The following MACF1 variants were observed in gnomAD, a reference collection of about 807,000 sequenced individuals.
The protein encoded by MACF1 is microtubule actin crosslinking factor 1.
Under a neutral mutation model 854.8 loss-of-function variants are expected in MACF1, and 193 were observed. The observed-to-expected ratio is 0.23, with a 90% CI of 0.20 to 0.25. MACF1 has a LOEUF of 0.25. Ranked by LOEUF, MACF1 falls within the 10% of genes least tolerant of loss-of-function variation. The pLI, the probability that MACF1 is intolerant of heterozygous loss-of-function variation, is 1.00. For synonymous variants in MACF1, 3,185 were observed against 3,226.7 expected (o/e 0.99, Z 0.44); for missense variants, 7,722 against 8,929.1 (o/e 0.86, Z 5.45).
intron 2 of MACF1, among the ~76,000 whole-genome samples, chr1:39,243,657 C>A (rs1471292194): frequency 1.3e-5 from 2 of 152,184 alleles, no homozygotes; most frequent in Non-Finnish European, 2.9e-5. Context: ...CCTGTCTTGG[C>A]CTCCCAAAGT....
At chr1:39,338,061 G>T (rs1007854696) in intron 38 of MACF1, among the ~76,000 whole-genome samples, 1 of 152,076 alleles carries the variant, frequency 6.6e-6, no homozygotes, top group Non-Finnish European at 1.5e-5. Context: ...GAGCCACCAC[G>T]CCCGGCCCTA....
At chr1:39,450,197 A>G (rs1570124494) in intron 84 of MACF1, among the ~76,000 whole-genome samples, 1 of 151,854 alleles carries the variant, frequency 6.6e-6, no homozygotes, top group African/African-American at 2.4e-5. Context: ...AGGTCTTGCT[A>G]TTGTCCAGGC....
At position 39,333,743 on chromosome 1, in the gene MACF1, G is replaced by A; in HGVS notation, c.7155G>A (p.Lys2385=). ...GTACCCAGACACTGTGCTCTGTAAA[G>A]GATGCAGTTACAGTTGGACTTCTTG... ...DPRTQTLCSV[K]DAVTVGLLDK... The change falls in exon 37 of 101, where the codon AAG becomes AAA. Residue 2385 remains lysine (K), a synonymous_variant. Coordinates refer to ENST00000564288, the MANE Select transcript of MACF1 (RefSeq NM_001394062.1). The A allele has an allele frequency of 6.2e-7, 1 of 1,614,186 alleles. No homozygotes were observed. Among genetic ancestry groups the A allele is most frequent in the Non-Finnish European group, 8.5e-7 (1 of 1,180,034 alleles).
At chr1:39,215,762 G>C (rs1644569268) in intron 1 of MACF1, among the ~76,000 whole-genome samples, 1 of 149,986 alleles carries the variant, frequency 6.7e-6, no homozygotes, top group African/African-American at 2.4e-5. Context: ...ATTTTTAGCA[G>C]AAGTTGGTTG....
At chr1:39,292,174 C>T in intron 16 of MACF1, 136 bp downstream of exon 16, 2 of 1,003,610 alleles carry the variant, frequency 2.0e-6, no homozygotes, top group Non-Finnish European at 2.8e-6. Flanking sequence ...CGGTTTATGA[C>T]AAATTCCCTT....
At chr1:39,255,010 G>C (rs1361657838) in intron 5 of MACF1, among the ~76,000 whole-genome samples, 1 of 152,024 alleles carries the variant, frequency 6.6e-6, no homozygotes, top group African/African-American at 2.4e-5. Context: ...GGTAGTCATA[G>C]AACGTTTCAC....
Position 39,334,841 on chromosome 1 carries a change from C to G in MACF1, c.8253C>G (p.Ile2751Met). The G allele has an allele frequency of 6.2e-7, 1 of 1,614,140 alleles. No homozygotes were observed. The highest frequency in any genetic ancestry group is 8.5e-7 in the Non-Finnish European group (1 of 1,180,020). Reference sequence around the variant, plus strand: ...TAGAAGCTATTGAGAAAAGACTGATCAGCCCTGAACTGGCAAATATGATCC... The same window carrying G: ...TAGAAGCTATTGAGAAAAGACTGATGAGCCCTGAACTGGCAAATATGATCC... ...TLVEAIEKRL[I>M]SPELANMIQI... Residue 2751 changes from isoleucine (I) to methionine (M), a missense_variant, in exon 37 of 101, where the codon ATC (isoleucine) becomes ATG (methionine). Coordinates refer to ENST00000564288, the MANE Select transcript of MACF1 (RefSeq NM_001394062.1).
At chr1:39,367,869 C>T (rs1355159372) in intron 49 of MACF1, among the ~76,000 whole-genome samples, 1 of 151,470 alleles carries the variant, frequency 6.6e-6, no homozygotes, top group Non-Finnish European at 1.5e-5. Context: ...GCTCGAGATG[C>T]TGAGGCAGGA....
chr1:39,289,873 G>A (rs1645739736), intron 15 of MACF1, among the ~76,000 whole-genome samples: 1 of 151,574 alleles, frequency 6.6e-6, no homozygotes, highest in Non-Finnish European at 1.5e-5. Flanking sequence ...AGCTAATTTT[G>A]TATTTTTAGT....
upstream of MACF1, chr1:39,204,148 C>T (rs1449933327): frequency 6.6e-6 from 1 of 152,224 alleles, no homozygotes; most frequent in African/African-American, 2.4e-5. Flanking sequence ...GTGGCATCCA[C>T]CTGTAATCCC....
intron 2 of MACF1, chr1:39,102,831 T>C: frequency 1.4e-6 from 1 of 702,596 alleles, no homozygotes. Flanking sequence ...CTTTTGCGAC[T>C]GTGTGGTCTG....
rs553403708 is a variant in MACF1, at chr1:39,367,901, C to A, written c.12772-247C>A. On this transcript the variant is annotated intron_variant, in intron 49 of 100. Coordinates refer to ENST00000564288, the MANE Select transcript of MACF1 (RefSeq NM_001394062.1). ...AGGAGAATCGCTTGAACCCAGGAGG[C>A]GGAAGTTGCAGTGAGCCAAGATACC... 3.4e-5 allele frequency among the ~76,000 whole-genome samples: 5 copies of A among 149,058 alleles called. No individual in the cohort carries two copies. In the Admixed American group the frequency reaches 3.4e-4, roughly 10 times the overall value.
intron 2 of MACF1, among the ~76,000 whole-genome samples, chr1:39,196,007 T>C (rs1434807493): frequency 1.3e-5 from 2 of 152,170 alleles, no homozygotes; most frequent in Non-Finnish European, 2.9e-5. Context: ...CTCCTCCAAA[T>C]AATGACAATT....
At chr1:39,290,161 G>T (rs763240058) in intron 15 of MACF1, among the ~76,000 whole-genome samples, 2 of 152,170 alleles carry the variant, frequency 1.3e-5, no homozygotes, top group South Asian at 4.1e-4. Context: ...TCTTGTAGTA[G>T]TTTCATAGTT....
intron 1 of MACF1, among the ~76,000 whole-genome samples, chr1:39,210,444 C>G (rs1300042203): frequency 6.6e-6 from 1 of 151,358 alleles, no homozygotes; most frequent in African/African-American, 2.4e-5. Flanking sequence ...CAAGCCTCCT[C>G]CCACCTTAGC....
chr1:39,392,792 G>A (rs965518939), intron 58 of MACF1, among the ~76,000 whole-genome samples: 1 of 152,186 alleles, frequency 6.6e-6, no homozygotes, highest in East Asian at 1.9e-4. Context: ...CTTTCCCTCA[G>A]TTGCTTCTGA....
At position 39,205,343 on chromosome 1, in the gene MACF1, GT is replaced by G. The variant is rs1571171474; in HGVS notation, c.109+214del. Among the ~76,000 whole-genome samples the G allele has an allele frequency of 2.6e-5, 4 of 152,234 alleles. 1 individual carries two copies. The East Asian group carries it at 7.7e-4, about 29-fold the overall frequency. ...TGGGATGGGGGTGGTGCTCTTTTCT[GT>G]TCTGTGAGTCTGTCTGGAGAGTGCT... On this transcript the variant is annotated intron_variant, in intron 1 of 100. Transcript: ENST00000564288.
At chr1:39,391,580 A>C (rs762587864) in intron 58 of MACF1, among the ~76,000 whole-genome samples, 8 of 152,230 alleles carry the variant, frequency 5.3e-5, no homozygotes, top group Non-Finnish European at 7.3e-5. Context: ...CAGGCCTGTT[A>C]AAATTGCATT....
chr1:39,235,555 G>A (rs189734090), intron 2 of MACF1, among the ~76,000 whole-genome samples: 1 of 152,222 alleles, frequency 6.6e-6, no homozygotes, highest in Non-Finnish European at 1.5e-5. Context: ...ACCAAGTCCA[G>A]TTAATCACTT....
Sources: allele counts gnomAD v4.1 joint callset (sites outside exome capture counted in the v4.1 genomes callset), GRCh38; gene constraint gnomAD v4.1.1; transcripts MANE v1.5; gene names NCBI Gene and HGNC (gene_info 2026-07-23, HGNC 2026-07-21).